CSMD2: variants seen among roughly 807,000 people sequenced by gnomAD.
The protein encoded by CSMD2 is CUB and sushi domain-containing protein 2.
Under a neutral mutation model 398.5 loss-of-function variants are expected in CSMD2, and 130 were observed. The ratio of observed to expected loss-of-function variants is 0.33; its 90% confidence interval spans 0.28 to 0.38. The LOEUF (loss-of-function observed/expected upper bound fraction) is 0.38. Ranked by LOEUF, CSMD2 falls within the 10% of genes least tolerant of loss-of-function variation. The pLI, the probability that CSMD2 is intolerant of heterozygous loss-of-function variation, is 1.00. For synonymous variants in CSMD2, 1,828 were observed against 1,908.5 expected, an observed-to-expected ratio of 0.96 and a Z score of 1.10; for missense variants, 3,829 against 4,764.9, an observed-to-expected ratio of 0.80 and a Z score of 5.78.
chr1:34,052,771 A>G (rs1653359790), intron 2 of CSMD2, among the ~76,000 whole-genome samples: 1 of 152,130 alleles, frequency 6.6e-6, no homozygotes, highest in Non-Finnish European at 1.5e-5. Flanking sequence ...CTCAGTAAAT[A>G]TACACGAGAT....
intron 4 of CSMD2, 140 bp downstream of exon 4, chr1:33,935,620 C>A: frequency 2.4e-6 from 2 of 831,284 alleles, no homozygotes; most frequent in Non-Finnish European, 1.8e-6. Flanking sequence ...ACCCTGAAAA[C>A]CCTCTGTGCT....
intron 15 of CSMD2, among the ~76,000 whole-genome samples, chr1:33,726,997 T>C (rs1026160241): frequency 6.6e-6 from 1 of 152,124 alleles, no homozygotes; most frequent in Non-Finnish European, 1.5e-5. Context: ...CGTTCCTCAC[T>C]CAATTGTCAG....
intron 22 of CSMD2, among the ~76,000 whole-genome samples, chr1:33,707,691 G>A (rs61799713): frequency 1.9e-3 from 107 of 56,858 alleles, no homozygotes; most frequent in African/African-American, 2.9e-3. Context: ...ACACGCGCGC[G>A]CGCGCACACA....
Position 33,654,250 on chromosome 1 carries a change from T to C in CSMD2, c.4448-1789A>G, listed in dbSNP as rs1017325770. Among the ~76,000 whole-genome samples, 8 of 152,356 alleles carry C rather than the reference T, an allele frequency of 5.3e-5. No individual in the cohort carries two copies. The South Asian group carries it at 1.7e-3, about 32-fold the overall frequency. ...CATTTTAGATACACTATCTCATTTA[T>C]GTCTCATTAACAACTCAATGAGCAA... is the stretch of plus-strand genomic sequence containing the variant. On this transcript the variant is annotated intron_variant, in intron 27 of 70. Coordinates refer to ENST00000373381, the MANE Select transcript of CSMD2 (RefSeq NM_001281956.2).
chr1:33,644,537 T>TTTA (rs1387600872), intron 29 of CSMD2, among the ~76,000 whole-genome samples: 2 of 152,188 alleles, frequency 1.3e-5, no homozygotes, highest in African/African-American at 4.8e-5. Context: ...TGACTCTAAG[T>TTTA]ATCACGTTTG....
At chr1:34,065,532 T>C (rs774272463) in intron 2 of CSMD2, among the ~76,000 whole-genome samples, 11 of 152,086 alleles carry the variant, frequency 7.2e-5, no homozygotes, top group Non-Finnish European at 1.6e-4. Flanking sequence ...AGCACTGACT[T>C]TGGAACCAGC....
chr1:33,615,605 T>A (rs566630225), intron 39 of CSMD2, among the ~76,000 whole-genome samples: 1 of 152,272 alleles, frequency 6.6e-6, no homozygotes, highest in East Asian at 1.9e-4. Flanking sequence ...ACCCTTCTAA[T>A]GGGGTTGTTG....
intron 22 of CSMD2, among the ~76,000 whole-genome samples, chr1:33,706,803 C>A (rs562065348): frequency 6.6e-6 from 1 of 150,392 alleles, no homozygotes; most frequent in Non-Finnish European, 1.5e-5. Context: ...TGTGTGTGCG[C>A]GTGCATGTGT....
chr1:33,953,873 C>T (rs1418543023), intron 3 of CSMD2, among the ~76,000 whole-genome samples: 1 of 152,162 alleles, frequency 6.6e-6, no homozygotes, highest in African/African-American at 2.4e-5. Flanking sequence ...CCTTCATTTG[C>T]AGGGCACTTC....
At chr1:33,768,542 G>A (rs974313345) in intron 13 of CSMD2, among the ~76,000 whole-genome samples, 891 of 78,886 alleles carry the variant, frequency 0.011, 12 homozygotes, top group African/African-American at 0.048. Flanking sequence ...GTGCATGTGT[G>A]TGTGTGTGTG....
At chr1:33,912,387 C>G (rs950494299) in intron 5 of CSMD2, among the ~76,000 whole-genome samples, 1 of 147,990 alleles carries the variant, frequency 6.8e-6, no homozygotes, top group Non-Finnish European at 1.5e-5. Flanking sequence ...TGGAAAGGAG[C>G]TTTGGACGAC....
intron 4 of CSMD2, among the ~76,000 whole-genome samples, chr1:33,923,292 A>G (rs1174179749): frequency 1.3e-5 from 2 of 152,036 alleles, no homozygotes; most frequent in African/African-American, 4.8e-5. Flanking sequence ...TGTGACAGTG[A>G]GTGAGTCATC....
intron 1 of CSMD2, among the ~76,000 whole-genome samples, chr1:34,156,873 A>T (rs1208661950): frequency 1.3e-5 from 2 of 152,154 alleles, no homozygotes; most frequent in South Asian, 2.1e-4. Flanking sequence ...CAACAATACA[A>T]ACACAAACAG....
intron 3 of CSMD2, among the ~76,000 whole-genome samples, chr1:34,013,891 C>T (rs1048367661): frequency 1.3e-5 from 2 of 152,154 alleles, no homozygotes; most frequent in Non-Finnish European, 2.9e-5. Context: ...GCTGCCTACC[C>T]ACCAGTTCCT....
chr1:34,031,765 C>CA (rs556094322), intron 3 of CSMD2, among the ~76,000 whole-genome samples: 2,894 of 70,742 alleles, frequency 0.041, 55 homozygotes, highest in Non-Finnish European at 0.052. Context: ...AAGGCAAAGG[C>CA]AAAAAAAAAA....
chr1:34,021,493 A>T (rs1407699606), intron 3 of CSMD2, among the ~76,000 whole-genome samples: 1 of 152,042 alleles, frequency 6.6e-6, no homozygotes, highest in African/African-American at 2.4e-5. Context: ...CCATCCTGGG[A>T]GGGGCTGGGA....
chr1:33,886,368 C>A (rs920597988), intron 5 of CSMD2, among the ~76,000 whole-genome samples: 3 of 152,132 alleles, frequency 2.0e-5, no homozygotes, highest in Non-Finnish European at 4.4e-5. Flanking sequence ...GTCGGGCGTA[C>A]TGGTGTTGCA....
At chr1:33,578,438 C>T (rs777946639) in intron 48 of CSMD2, among the ~76,000 whole-genome samples, 19 of 151,988 alleles carry the variant, frequency 1.3e-4, no homozygotes, top group African/African-American at 4.1e-4. Context: ...ATTGGCCAGG[C>T]GTGGTGGTGC....
intron 2 of CSMD2, among the ~76,000 whole-genome samples, chr1:34,050,994 G>C (rs1032151734): frequency 1.3e-5 from 2 of 152,136 alleles, no homozygotes; most frequent in Admixed American, 1.3e-4. Context: ...TGCTACCCGG[G>C]CACTTTGCAC....
Sources: allele counts gnomAD v4.1 joint callset (sites outside exome capture counted in the v4.1 genomes callset), GRCh38; gene constraint gnomAD v4.1.1; transcripts MANE v1.5; gene names NCBI Gene and HGNC (gene_info 2026-07-23, HGNC 2026-07-21).